The following PGGT1B variants were observed in gnomAD, a reference collection of about 807,000 sequenced individuals.
PGGT1B encodes the protein protein geranylgeranyltransferase type I subunit beta, also known as geranylgeranyl transferase type-1 subunit beta.
PGGT1B carries 30 observed loss-of-function variants against 46.1 expected under a neutral mutation model. That is an observed-to-expected ratio of 0.65 (90% CI 0.49 to 0.88). The LOEUF (loss-of-function observed/expected upper bound fraction) is 0.88. Among genes scored for constraint, PGGT1B ranks in the 40% least tolerant of loss-of-function variants. The pLI, the probability that PGGT1B is intolerant of heterozygous loss-of-function variation, is 0.00. For synonymous variants in PGGT1B, 170 were observed against 160.0 expected (o/e 1.06, Z -0.47); for missense variants, 376 against 455.9 (o/e 0.82, Z 1.60).
intron 5 of PGGT1B, among the ~76,000 whole-genome samples, chr5:115,232,134 A>G (rs1417211934): frequency 1.3e-5 from 2 of 152,140 alleles, no homozygotes; most frequent in African/African-American, 2.4e-5. Flanking sequence ...AATAAAAAGC[A>G]TTAACACTGG....
intron 3 of PGGT1B, among the ~76,000 whole-genome samples, chr5:115,239,551 G>A (rs1561480090): frequency 6.6e-6 from 1 of 152,140 alleles, no homozygotes; most frequent in Non-Finnish European, 1.5e-5. Context: ...ACAACTGCAT[G>A]GAAGCCAAAC....
intron 5 of PGGT1B, among the ~76,000 whole-genome samples, chr5:115,232,719 A>G (rs1238099223): frequency 6.6e-6 from 1 of 152,038 alleles, no homozygotes; most frequent in East Asian, 1.9e-4. Flanking sequence ...TCATTATAGT[A>G]TGGCACTGTC....
intron 5 of PGGT1B, among the ~76,000 whole-genome samples, chr5:115,232,186 C>T (rs375256954): frequency 2.0e-4 from 31 of 152,084 alleles, no homozygotes; most frequent in East Asian, 1.4e-3. Context: ...ACAGCTATTA[C>T]GGGAATGTTG....
At chr5:115,232,957 C>G (rs1053934211) in intron 5 of PGGT1B, among the ~76,000 whole-genome samples, 3 of 151,764 alleles carry the variant, frequency 2.0e-5, no homozygotes, top group Non-Finnish European at 4.4e-5. Flanking sequence ...AACCTTTTTC[C>G]TATCAGAAAA....
chr5:115,247,547 T>TAAAC (rs1747906554), intron 2 of PGGT1B, among the ~76,000 whole-genome samples: 1 of 152,180 alleles, frequency 6.6e-6, no homozygotes, highest in Non-Finnish European at 1.5e-5. Context: ...ATTTATATTT[T>TAAAC]ATGGATAGAG....
intron 2 of PGGT1B, among the ~76,000 whole-genome samples, chr5:115,244,968 T>C (rs1405070869): frequency 3.3e-5 from 5 of 152,234 alleles, no homozygotes; most frequent in Non-Finnish European, 7.3e-5. Context: ...TTTTCCTATA[T>C]GATTAAAACA....
intron 5 of PGGT1B, among the ~76,000 whole-genome samples, chr5:115,233,598 T>C (rs912166491): frequency 1.4e-5 from 2 of 147,982 alleles, no homozygotes; most frequent in Admixed American, 6.7e-5. Context: ...GGGTCAGCAA[T>C]GGCCCAAAGG....
chr5:115,262,855 G>A lies in PGGT1B; in HGVS notation c.-4C>T, dbSNP rs1163889716. ...TCTCATCCTCAGTGGCCGCCATGCT[G>A]CTCCGGAAGCGACGTCCGCCGCGAC... On this transcript the variant is annotated 5_prime_UTR_variant, in exon 1 of 9. Transcript: ENST00000419445. The A allele has an allele frequency of 1.9e-6, 3 of 1,611,538 alleles. No individual in the cohort carries two copies. Among genetic ancestry groups the A allele is most frequent in the Non-Finnish European group, 2.5e-6 (3 of 1,179,638 alleles).
chr5:115,221,594 T>G (rs958389453), intron 7 of PGGT1B, among the ~76,000 whole-genome samples: 4 of 151,970 alleles, frequency 2.6e-5, no homozygotes, highest in Non-Finnish European at 5.9e-5. Flanking sequence ...GGCATAAAAC[T>G]CAAGTTCTGG....
At chr5:115,259,826 A>G (rs767880607) in intron 1 of PGGT1B, among the ~76,000 whole-genome samples, 53 of 152,118 alleles carry the variant, frequency 3.5e-4, no homozygotes, top group Non-Finnish European at 6.3e-4. Context: ...GACTAGCTAG[A>G]TTGTAAATGC....
rs1561465793 is a variant in PGGT1B at position 115,208,823 on chromosome 5, CTAAT to C, written c.*3575_*3578del. The C allele has an allele frequency of 1.3e-5, 2 of 151,976 alleles. No homozygotes were observed. The highest frequency in any genetic ancestry group is 2.9e-5 in the Non-Finnish European group (2 of 67,962). 9.4% of individuals were successfully genotyped at this position (151,976 alleles called of 1,614,324 possible). ...TTTCCTACTTTTATTGATAACTGTA[CTAAT>C]TAATATAAATTTCCTGTCATATTTG... On this transcript the variant is annotated 3_prime_UTR_variant, in exon 9 of 9. Coordinates refer to ENST00000419445, the MANE Select transcript of PGGT1B (RefSeq NM_005023.4).
At chr5:115,240,338 A>C (rs573188719) in intron 3 of PGGT1B, among the ~76,000 whole-genome samples, 34 of 152,330 alleles carry the variant, frequency 2.2e-4, no homozygotes, top group Admixed American at 9.8e-4. Context: ...ATGTTATTAA[A>C]GCACTGTAAC....
At chr5:115,223,752 A>G (rs1756667260) in intron 6 of PGGT1B, among the ~76,000 whole-genome samples, 1 of 152,242 alleles carries the variant, frequency 6.6e-6, no homozygotes. Flanking sequence ...TACTTTCCTC[A>G]GGAAATGAAA....
chr5:115,232,509 T>C (rs1352912519), intron 5 of PGGT1B, among the ~76,000 whole-genome samples: 1 of 152,104 alleles, frequency 6.6e-6, no homozygotes, highest in Admixed American at 6.6e-5. Flanking sequence ...TTTTAAATTA[T>C]AGTATACCAT....
At chr5:115,246,110 G>A (rs946882303) in intron 2 of PGGT1B, among the ~76,000 whole-genome samples, 2 of 152,104 alleles carry the variant, frequency 1.3e-5, no homozygotes, top group Non-Finnish European at 2.9e-5. Context: ...CTAGCACTTT[G>A]GGAGGCCGAG....
intron 2 of PGGT1B, among the ~76,000 whole-genome samples, chr5:115,251,451 G>A (rs946426609): frequency 1.3e-5 from 2 of 152,028 alleles, no homozygotes; most frequent in African/African-American, 2.4e-5. Flanking sequence ...AAATGGTAGG[G>A]GGAAGTAAAC....
intron 2 of PGGT1B, among the ~76,000 whole-genome samples, chr5:115,250,426 G>A (rs1234130224): frequency 6.6e-6 from 1 of 152,162 alleles, no homozygotes; most frequent in Non-Finnish European, 1.5e-5. Flanking sequence ...AGCACTGAGA[G>A]GGAAAAGAAA....
At chr5:115,256,513 A>C (rs953289209) in intron 1 of PGGT1B, among the ~76,000 whole-genome samples, 1 of 152,168 alleles carries the variant, frequency 6.6e-6, no homozygotes, top group Non-Finnish European at 1.5e-5. Context: ...TTAGGGTGAG[A>C]CCATAAGGTT....
At chr5:115,224,471 G>C (rs1396212240) in intron 6 of PGGT1B, among the ~76,000 whole-genome samples, 1 of 152,166 alleles carries the variant, frequency 6.6e-6, no homozygotes, top group Admixed American at 6.6e-5. Flanking sequence ...CATTTACAAA[G>C]TCTATGCTTT....
Sources: gnomAD v4.1 joint callset for allele counts (sites outside exome capture counted in the v4.1 genomes callset) on GRCh38, gnomAD v4.1.1 for gene constraint, MANE v1.5 for transcripts, NCBI Gene and HGNC (gene_info 2026-07-23, HGNC 2026-07-21) for gene names.